KIF15: variants seen among roughly 807,000 people sequenced by gnomAD.
The protein encoded by KIF15 is kinesin family member 15, also known as kinesin-like protein KIF15.
A neutral mutation model predicts 190.6 loss-of-function variants in KIF15; 140 were observed. The observed-to-expected ratio is 0.73, with a 90% CI of 0.64 to 0.84. KIF15 has a LOEUF of 0.84. Ranked by LOEUF, KIF15 falls within the 40% of genes least tolerant of loss-of-function variation. The pLI, the probability that KIF15 is intolerant of heterozygous loss-of-function variation, is 0.00. For missense variants in KIF15, 1,372 were observed against 1,584.4 expected (o/e 0.87, Z 2.28); for synonymous variants, 528 against 551.3 (o/e 0.96, Z 0.59).
At chr3:44,821,969 C>T (rs958413047) in intron 20 of KIF15, among the ~76,000 whole-genome samples, 2 of 152,214 alleles carry the variant, frequency 1.3e-5, no homozygotes, top group African/African-American at 2.4e-5. Flanking sequence ...CAAAAAAATA[C>T]GAAAACCAGT....
intron 7 of KIF15, 85 bp downstream of exon 7, chr3:44,786,659 G>A (rs1706422429): frequency 1.8e-6 from 2 of 1,107,868 alleles, no homozygotes; most frequent in Non-Finnish European, 1.3e-6. Flanking sequence ...GACAATTGAG[G>A]TACCAAAAAT....
intron 1 of KIF15, among the ~76,000 whole-genome samples, chr3:44,773,344 G>A (rs949377849): frequency 7.2e-5 from 11 of 152,186 alleles, no homozygotes; most frequent in Non-Finnish European, 1.3e-4. Context: ...CTTGGCTAGG[G>A]GAGGGGAGGA....
chr3:44,867,039 A>G (rs1297751256), intron 6 of KIF15, among the ~76,000 whole-genome samples: 4 of 152,166 alleles, frequency 2.6e-5, no homozygotes, highest in Admixed American at 1.3e-4. Flanking sequence ...ACTTTGACAC[A>G]TTGCCTCCCA....
In KIF15 at chr3:44,815,092, T is replaced by C; in HGVS notation, c.2549+16T>C. On this transcript the variant is annotated intron_variant, in intron 20 of 34. Transcript: ENST00000326047. ...ATAATCTCAGGTAGAGTTGTTCTTT[T>C]ATGGTTTCAAGTTGCCTGATTGGCT... The C allele has an allele frequency of 6.5e-7, 1 of 1,546,224 alleles. No individual in the cohort carries two copies. The highest frequency in any genetic ancestry group is 2.4e-5 in the East Asian group (1 of 42,524).
chr3:44,809,553 A>G (rs567789629), intron 16 of KIF15, among the ~76,000 whole-genome samples: 1 of 152,282 alleles, frequency 6.6e-6, no homozygotes, highest in African/African-American at 2.4e-5. Flanking sequence ...TAACTTAAAA[A>G]AAGTAATACA....
intron 7 of KIF15, among the ~76,000 whole-genome samples, chr3:44,791,893 T>G (rs1433520593): frequency 6.6e-6 from 1 of 151,948 alleles, no homozygotes; most frequent in Non-Finnish European, 1.5e-5. Flanking sequence ...AAATTTTGTA[T>G]TTTTTAGTAG....
intron 33 of KIF15, 33 bp downstream of exon 33, chr3:44,851,985 T>C (rs554923962): frequency 1.3e-6 from 2 of 1,591,120 alleles, no homozygotes; most frequent in Non-Finnish European, 1.7e-6. Context: ...TCATGATACT[T>C]AGAACACTCA....
At chr3:44,822,262 G>GTACAT (rs2125680854) in intron 20 of KIF15, among the ~76,000 whole-genome samples, 1 of 152,124 alleles carries the variant, frequency 6.6e-6, no homozygotes, top group East Asian at 1.9e-4. Flanking sequence ...CTTCACTTAT[G>GTACAT]AATCTTAGTT....
intron 20 of KIF15, among the ~76,000 whole-genome samples, chr3:44,823,368 T>A (rs1697460867): frequency 6.6e-6 from 1 of 152,204 alleles, no homozygotes; most frequent in Non-Finnish European, 1.5e-5. Flanking sequence ...TGCTGCCTGA[T>A]CCTTCCTCTG....
In KIF15 at chr3:44,853,084, G is replaced by A; in HGVS notation, c.*349G>A. On this transcript the variant is annotated 3_prime_UTR_variant, in exon 35 of 35. Coordinates refer to ENST00000326047, the MANE Select transcript of KIF15 (RefSeq NM_020242.3). Reference sequence around the variant, plus strand: ...TGCCATAATCTCCTTTGATTCTTATGGAAGTTCTAACAATATATGGTGGTT... The same window carrying A: ...TGCCATAATCTCCTTTGATTCTTATAGAAGTTCTAACAATATATGGTGGTT... 1 of 163,128 alleles carries A rather than the reference G, an allele frequency of 6.1e-6. No individual in the cohort carries two copies. 10.1% of individuals were successfully genotyped at this position (163,128 alleles called of 1,614,324 possible).
rs1474536380 is a variant in KIF15, at chr3:44,841,171, TG to T, written c.3520del (p.Glu1174AsnfsTer4). ...IEDGRASKTS[L>X]EHLVTKLNED... ...GATGGAAGAGCCTCTAAGACTTCTT[TG>T]GAACACCTTGTAACAAAGCTAAATG... On this transcript the variant is annotated frameshift_variant, in exon 29 of 35. Coordinates refer to ENST00000326047, the MANE Select transcript of KIF15 (RefSeq NM_020242.3). LOFTEE classifies it high-confidence loss of function. 16 of 1,613,604 alleles carry T rather than the reference TG, an allele frequency of 9.9e-6. No individual in the cohort carries two copies. Among genetic ancestry groups the T allele is most frequent in the Non-Finnish European group, 1.3e-5 (15 of 1,179,642 alleles).
chr3:44,790,244 C>A (rs763686200), intron 7 of KIF15, among the ~76,000 whole-genome samples: 3 of 151,794 alleles, frequency 2.0e-5, no homozygotes, highest in Non-Finnish European at 2.9e-5. Flanking sequence ...GTGGTGCGAT[C>A]TTGGCTTACT....
At position 44,786,378 on chromosome 3, in the gene KIF15, A is replaced by T; in HGVS notation, c.460-17A>T. ...CACATGAAAATAATGTATCTAAATG[A>T]GGCTTCTTTTTTACAGGCTGGAGCT... On this transcript the variant is annotated splice_polypyrimidine_tract_variant and intron_variant, in intron 6 of 34. Transcript: ENST00000326047. The T allele has an allele frequency of 6.3e-7, 1 of 1,586,122 alleles. No homozygotes were observed.
chr3:44,780,456 T>C (rs1486728082), intron 4 of KIF15, among the ~76,000 whole-genome samples: 6 of 152,320 alleles, frequency 3.9e-5, no homozygotes, highest in Non-Finnish European at 7.4e-5. Context: ...TGATTCTGGT[T>C]AAATAAATTA....
At position 44,804,974 on chromosome 3, in the gene KIF15, GC is replaced by G. The variant is rs1238341066; in HGVS notation, c.1688-50del. On this transcript the variant is annotated intron_variant, in intron 14 of 34. Transcript: ENST00000326047. ...ACTCTAGCCTGGGCAACATAGTGAGGCCCTGTCTCAGAAAAAAAAAAAAAAA... is the reference window on the plus strand; with the variant it reads ...ACTCTAGCCTGGGCAACATAGTGAGGCCTGTCTCAGAAAAAAAAAAAAAAA... 2.6e-6 allele frequency: 4 copies of G among 1,547,608 alleles called. No individual in the cohort carries two copies. In the African/African-American group the frequency reaches 5.6e-5, roughly 22 times the overall value.
intron 26 of KIF15, among the ~76,000 whole-genome samples, chr3:44,832,502 A>G (rs944692507): frequency 1.3e-5 from 2 of 152,138 alleles, no homozygotes; most frequent in Admixed American, 1.3e-4. Context: ...CAGAGTGGGC[A>G]CCAAGCTTTC....
At position 44,778,211 on chromosome 3, in the gene KIF15, C is replaced by G. The variant is rs75053678; in HGVS notation, c.323+20C>G. 4.0e-3 allele frequency: 6,246 copies of G among 1,552,970 alleles called. 210 individuals carry two copies. The African/African-American group carries it at 0.07, about 17-fold the overall frequency. The stretch of plus-strand genomic sequence containing the variant: ...TGCATAGTAAGTTGTTGACTGTGTC[C>G]TTATACATAGTACATGCTTGAATTA... On this transcript the variant is annotated intron_variant, in intron 4 of 34. Coordinates refer to ENST00000326047, the MANE Select transcript of KIF15 (RefSeq NM_020242.3).
chr3:44,805,549 C>T (rs553333338), intron 15 of KIF15, among the ~76,000 whole-genome samples: 1 of 152,100 alleles, frequency 6.6e-6, no homozygotes, highest in East Asian at 1.9e-4. Flanking sequence ...TCAATCTTAC[C>T]CTAAAATATA....
intron 19 of KIF15, 175 bp downstream of exon 19, chr3:44,813,355 A>G (rs1707881935): frequency 4.3e-6 from 2 of 463,072 alleles, no homozygotes; most frequent in Non-Finnish European, 7.5e-6. Context: ...AATATATCAT[A>G]AAAGGTAAAT....
Sources: gnomAD v4.1 joint callset for allele counts (sites outside exome capture counted in the v4.1 genomes callset) on GRCh38, gnomAD v4.1.1 for gene constraint, MANE v1.5 for transcripts, NCBI Gene and HGNC (gene_info 2026-07-23, HGNC 2026-07-21) for gene names.